Variants in ZNF160 observed in about 807,000 individuals in gnomAD.
The protein encoded by ZNF160 is KRAB zinc finger protein KR18.
Under a neutral mutation model 13.1 loss-of-function variants are expected in ZNF160, and 9 were observed. The ratio of observed to expected loss-of-function variants is 0.69; its 90% CI spans 0.41 to 1.20. The LOEUF is 1.20. Ranked by LOEUF, ZNF160 falls within the 50% of genes most tolerant of loss-of-function variation. The probability of loss-of-function intolerance (pLI) is 0.01; values close to 1 mark genes in which losing one functional copy is unlikely to be tolerated. For synonymous variants in ZNF160, 293 were observed against 333.2 expected, an observed-to-expected ratio of 0.88 and a Z score of 1.31; for missense variants, 838 against 988.0, an observed-to-expected ratio of 0.85 and a Z score of 2.04.
At chr19:53,075,496 C>G in intron 3 of ZNF160, 1 of 360,954 alleles carries the variant, frequency 2.8e-6, no homozygotes. Flanking sequence ...ACTGGAAAGG[C>G]TGAGGCTCGG....
chr19:53,085,015 A>T, intron 3 of ZNF160: 1 of 188,916 alleles, frequency 5.3e-6, no homozygotes, highest in Non-Finnish European at 9.6e-6. Flanking sequence ...GTGCAGTGGC[A>T]CTATCATGGC....
intron 3 of ZNF160, among the ~76,000 whole-genome samples, chr19:53,082,132 G>A (rs1195301603): frequency 6.6e-6 from 1 of 152,168 alleles, no homozygotes; most frequent in Non-Finnish European, 1.5e-5. Flanking sequence ...AAGGAAGAGG[G>A]GAAGGGCTGA....
intron 5 of ZNF160, 138 bp from the exon 6 acceptor site, chr19:53,070,400 G>T: frequency 1.1e-6 from 1 of 888,586 alleles, no homozygotes; most frequent in Non-Finnish European, 1.6e-6. Flanking sequence ...AATTTCAATT[G>T]TTAGGAACAA....
intron 3 of ZNF160, among the ~76,000 whole-genome samples, chr19:53,084,276 C>T (rs940157434): frequency 6.6e-5 from 10 of 152,244 alleles, no homozygotes; most frequent in African/African-American, 2.4e-4. Flanking sequence ...CGCTTCCTCT[C>T]CTTAGTGCCA....
intron 5 of ZNF160, 28 bp downstream of exon 5, chr19:53,074,112 C>T: frequency 1.2e-6 from 2 of 1,609,602 alleles, no homozygotes; most frequent in Non-Finnish European, 1.7e-6. Flanking sequence ...TAATGAGTGG[C>T]CTTCTCTCTG....
chr19:53,072,183 C>T (rs945034792), intron 5 of ZNF160, among the ~76,000 whole-genome samples: 1 of 151,752 alleles, frequency 6.6e-6, no homozygotes, highest in African/African-American at 2.4e-5. Flanking sequence ...CTTGCTGCAA[C>T]CCCCGCCTCC....
At chr19:53,077,294 A>T (rs2084429578) in intron 3 of ZNF160, 2 of 152,252 alleles carry the variant, frequency 1.3e-5, no homozygotes, top group African/African-American at 4.8e-5. Context: ...GGATGACTGT[A>T]GCATGTCTTC....
chr19:53,070,717 A>G (rs1340818059), intron 5 of ZNF160, among the ~76,000 whole-genome samples: 1 of 152,144 alleles, frequency 6.6e-6, no homozygotes, highest in African/African-American at 2.4e-5. Context: ...CCCAGCCAAA[A>G]GTAGTATTTT....
chr19:53,082,222 A>T (rs2084660000), intron 3 of ZNF160, among the ~76,000 whole-genome samples: 2 of 152,170 alleles, frequency 1.3e-5, no homozygotes, highest in South Asian at 2.1e-4. Flanking sequence ...CACAAAATAT[A>T]CCCATGTAAG....
At chr19:53,098,308 A>G (rs999529388) in intron 1 of ZNF160, among the ~76,000 whole-genome samples, 4 of 152,102 alleles carry the variant, frequency 2.6e-5, no homozygotes, top group Non-Finnish European at 5.9e-5. Context: ...CACACCTCTA[A>G]GGACTTCTTC....
At position 53,103,309 on chromosome 19, in the gene ZNF160, C is replaced by T. The variant is rs1032196046; in HGVS notation, c.-398G>A. 1 of 152,224 alleles carries T rather than the reference C, an allele frequency of 6.6e-6. No individual in the cohort carries two copies. The highest frequency in any genetic ancestry group is 2.4e-5 in the African/African-American group (1 of 41,374). The allele number at this position is 152,224 out of a possible 1,614,324, so 9.4% of individuals were successfully genotyped here. A position where few individuals can be genotyped will look rare whatever the true frequency, so the allele number is the denominator to read the frequency against. ...GCGGAGATTTTAAGTCCGTAGCGAC[C>T]CCCGGGCATCGGGTGTGCGAATGGG... is the stretch of plus-strand genomic sequence containing the variant. On this transcript the variant is annotated 5_prime_UTR_variant, in exon 1 of 6. Transcript: ENST00000683776.
chr19:53,093,671 G>A (rs1367392784), intron 1 of ZNF160: 1 of 152,042 alleles, frequency 6.6e-6, no homozygotes, highest in Non-Finnish European at 1.5e-5. Context: ...ATCCAGGTGT[G>A]GTGGTGCATG....
chr19:53,074,139 C>G lies in ZNF160; in HGVS notation c.271+1G>C. On this transcript the variant is annotated splice_donor_variant, in intron 5 of 5. Coordinates refer to ENST00000683776, the MANE Select transcript of ZNF160 (RefSeq NM_001322131.2). LOFTEE classifies it high-confidence loss of function. Reference sequence around the variant, plus strand: ...TTCTCTCTGCCCATCTGAGCTCTTACCTGTGACCACGCCTTTGACACATTC... The same window carrying G: ...TTCTCTCTGCCCATCTGAGCTCTTAGCTGTGACCACGCCTTTGACACATTC... 1 of 1,613,904 alleles carries G rather than the reference C, an allele frequency of 6.2e-7. No homozygotes were observed. The highest frequency in any genetic ancestry group is 8.5e-7 in the Non-Finnish European group (1 of 1,179,870).
chr19:53,100,238 G>A (rs1349490915), intron 1 of ZNF160, among the ~76,000 whole-genome samples: 1 of 152,164 alleles, frequency 6.6e-6, no homozygotes, highest in Non-Finnish European at 1.5e-5. Flanking sequence ...CTGACAAAAG[G>A]GACTTGAGGG....
Position 53,069,711 on chromosome 19 carries a change from G to A in ZNF160, c.823C>T (p.His275Tyr). 1 of 1,614,194 alleles carries A rather than the reference G, an allele frequency of 6.2e-7. No homozygotes were observed. The highest frequency in any genetic ancestry group is 8.5e-7 in the Non-Finnish European group (1 of 1,180,038). ...AFTQNSNLTS[H>Y]RRIHSGEKPY... ...TTCTCTCCACTATGAATTCTCCTAT[G>A]ACTTGTAAGGTTCGAATTCTGAGTG... is the stretch of plus-strand genomic sequence containing the variant. Residue 275 changes from histidine (H) to tyrosine (Y), a missense_variant, in exon 6 of 6, where the codon CAT becomes TAT. Physicochemically the swap from His to Tyr is moderately conservative, Grantham distance 83. Transcript: ENST00000683776. The surrounding 1 kb of genome is among the most constrained non-coding windows in gnomAD (Gnocchi z 4.4).
chr19:53,097,423 CTCCCACACTCCCCATATACTTCATAAAGA>C (rs567121184), intron 1 of ZNF160, among the ~76,000 whole-genome samples: 4 of 151,370 alleles, frequency 2.6e-5, no homozygotes, highest in East Asian at 1.9e-4. Flanking sequence ...CGCTTACAAA[CTCCCACACTCCCCATATACTTCATAAAGA>C]TCCCACAATC....
At chr19:53,079,658 A>C (rs1455549323) in intron 3 of ZNF160, among the ~76,000 whole-genome samples, 1 of 109,908 alleles carries the variant, frequency 9.1e-6, no homozygotes, top group Non-Finnish European at 1.8e-5. Flanking sequence ...ACACAATAGC[A>C]GCAAAAAAAA....
intron 2 of ZNF160, among the ~76,000 whole-genome samples, chr19:53,090,657 G>T (rs897238099): frequency 6.6e-6 from 1 of 152,166 alleles, no homozygotes; most frequent in Non-Finnish European, 1.5e-5. Context: ...ATGCTTATGA[G>T]GGGGAGGCCT....
In ZNF160 at chr19:53,069,002, C is replaced by T. The variant is rs2084063308; in HGVS notation, c.1532G>A (p.Cys511Tyr). The T allele has an allele frequency of 6.2e-7, 1 of 1,614,066 alleles. No individual in the cohort carries two copies. Among genetic ancestry groups the T allele is most frequent in the African/African-American group, 1.3e-5 (1 of 74,934 alleles). Residue 511 changes from cysteine (C) to tyrosine (Y), a missense_variant, in exon 6 of 6, where the codon TGT becomes TAT. Physicochemically the swap from Cys to Tyr is radical, Grantham distance 194. Coordinates refer to ENST00000683776, the MANE Select transcript of ZNF160 (RefSeq NM_001322131.2). The surrounding 1 kb of genome is among the most constrained non-coding windows in gnomAD (Gnocchi z 4.4). Reference sequence around the variant, plus strand: ...ACTGAAGGCTTTCCCACACTCATTACACTTGTAAGGTTTCTCTCCAGTATG... The same window carrying T: ...ACTGAAGGCTTTCCCACACTCATTATACTTGTAAGGTTTCTCTCCAGTATG... ...RIHTGEKPYK[C>Y]NECGKAFSVR...
Sources: gnomAD v4.1 joint callset for allele counts (sites outside exome capture counted in the v4.1 genomes callset) on GRCh38, gnomAD v4.1.1 for gene constraint, Gnocchi (gnomAD v3.1) non-coding constraint, MANE v1.5 for transcripts, NCBI Gene and HGNC (gene_info 2026-07-23, HGNC 2026-07-21) for gene names.